The following BABAM2 variants were observed in gnomAD, a reference collection of about 807,000 sequenced individuals.
BABAM2 encodes BRISC and BRCA1-A complex member 2.
Under a neutral mutation model 54.7 loss-of-function variants are expected in BABAM2, and 31 were observed. That is an observed-to-expected ratio of 0.57 (90% CI 0.43 to 0.77). The LOEUF (loss-of-function observed/expected upper bound fraction) is 0.77, where lower values mean the gene tolerates loss of function less well. BABAM2 is among the 30% of genes least tolerant of loss of function. The pLI, the probability that BABAM2 is intolerant of heterozygous loss-of-function variation, is 0.00. For synonymous variants in BABAM2, 167 were observed against 162.9 expected (o/e 1.03, Z -0.19); for missense variants, 364 against 455.8 (o/e 0.80, Z 1.83).
Position 28,129,318 on chromosome 2 carries a change from T to C in BABAM2, c.618T>C (p.Ser206=). ...PGEDVALLSV[S]FEDTEATQVY... is the part of the protein sequence containing the mutation. ...AAGATGTGGCCCTCCTCTCTGTTAG[T>C]TTTGAGGACACTGAAGCCACCCAGG... The change falls in exon 7 of 12, where the codon AGT becomes AGC. Residue 206 remains serine (S), a synonymous_variant. Transcript: ENST00000379624. 1 of 1,614,168 alleles carries C rather than the reference T, an allele frequency of 6.2e-7. No homozygotes were observed. The highest frequency in any genetic ancestry group is 1.1e-5 in the South Asian group (1 of 91,072).
intron 3 of BABAM2, among the ~76,000 whole-genome samples, chr2:27,936,390 C>T (rs1455335012): frequency 1.6e-4 from 25 of 152,088 alleles, no homozygotes; most frequent in Non-Finnish European, 2.2e-4. Context: ...GACAGTGTGG[C>T]GATTCCCCAG....
At chr2:28,086,193 T>A (rs1665623522) in intron 6 of BABAM2, among the ~76,000 whole-genome samples, 3 of 152,224 alleles carry the variant, frequency 2.0e-5, no homozygotes, top group African/African-American at 7.2e-5. Context: ...AGAATTTGAA[T>A]CTATCTGTTA....
intron 4 of BABAM2, among the ~76,000 whole-genome samples, chr2:28,012,705 A>G (rs947915847): frequency 2.6e-5 from 4 of 152,174 alleles, no homozygotes; most frequent in African/African-American, 9.7e-5. Flanking sequence ...TGGAAAATAC[A>G]TTATTTTTAT....
intron 11 of BABAM2, among the ~76,000 whole-genome samples, chr2:28,310,638 C>T (rs571522671): frequency 3.0e-4 from 45 of 152,154 alleles, no homozygotes; most frequent in African/African-American, 9.9e-4. Flanking sequence ...AATCCCAGCA[C>T]TTTGGGAGGC....
intron 2 of BABAM2, among the ~76,000 whole-genome samples, chr2:27,898,128 A>G (rs1478821532): frequency 1.3e-5 from 2 of 152,088 alleles, no homozygotes; most frequent in East Asian, 3.8e-4. Flanking sequence ...CCACACTTTC[A>G]TGTTTCTTTC....
intron 1 of BABAM2, among the ~76,000 whole-genome samples, chr2:27,892,051 T>C (rs902485139): frequency 6.6e-6 from 1 of 152,244 alleles, no homozygotes; most frequent in Non-Finnish European, 1.5e-5. Flanking sequence ...ATATACGCTT[T>C]ACAAAATCAC....
In BABAM2 at chr2:27,975,502, C is replaced by G. The variant is rs557251648; in HGVS notation, c.206-12491C>G. Among the ~76,000 whole-genome samples the G allele has an allele frequency of 3.9e-5, 6 of 152,114 alleles. No homozygotes were observed. In the East Asian group the frequency reaches 9.7e-4, roughly 24 times the overall value. ...AAAAGGAGTCTTCTCAGCAAGTAGA[C>G]ATCTACATGCAAAAAAAAGGACCTT... is the stretch of plus-strand genomic sequence containing the variant. On this transcript the variant is annotated intron_variant, in intron 3 of 11. Coordinates refer to ENST00000379624, the MANE Select transcript of BABAM2 (RefSeq NM_199191.3).
intron 6 of BABAM2, among the ~76,000 whole-genome samples, chr2:28,087,685 G>T (rs1665781909): frequency 6.6e-6 from 1 of 150,762 alleles, no homozygotes; most frequent in Non-Finnish European, 1.5e-5. Flanking sequence ...GTCTCGCTCT[G>T]TCGCCCAGGT....
intron 5 of BABAM2, among the ~76,000 whole-genome samples, chr2:28,043,712 C>G (rs1348467865): frequency 6.6e-6 from 1 of 152,178 alleles, no homozygotes; most frequent in African/African-American, 2.4e-5. Flanking sequence ...CATCTAGGAG[C>G]TCAGCATAAT....
At chr2:28,268,380 A>G (rs558753934) in intron 10 of BABAM2, among the ~76,000 whole-genome samples, 1 of 152,296 alleles carries the variant, frequency 6.6e-6, no homozygotes, top group South Asian at 2.1e-4. Flanking sequence ...CAGGGAGACA[A>G]TGGAGAGAGA....
chr2:28,189,182 A>G (rs185748108), intron 7 of BABAM2, among the ~76,000 whole-genome samples: 1,531 of 150,742 alleles, frequency 0.01, 13 homozygotes, highest in Non-Finnish European at 0.018. Flanking sequence ...GTCTGGCGAC[A>G]GAGTGAGACT....
intron 7 of BABAM2, among the ~76,000 whole-genome samples, chr2:28,196,836 C>T (rs374654139): frequency 5.4e-3 from 219 of 40,208 alleles, no homozygotes; most frequent in South Asian, 0.011. Flanking sequence ...GAGACCCTGT[C>T]TTTTTTTTTT....
rs76237484 is a variant in BABAM2 at position 28,270,434 on chromosome 2, A to T, written c.934+25572A>T. Among the ~76,000 whole-genome samples, 22 of 152,302 alleles carry T rather than the reference A, an allele frequency of 1.4e-4. No homozygotes were observed. The East Asian group carries it at 4.2e-3, about 29-fold the overall frequency. On this transcript the variant is annotated intron_variant, in intron 10 of 11. Coordinates refer to ENST00000379624, the MANE Select transcript of BABAM2 (RefSeq NM_199191.3). ...CTTTGCCTGGCCCCTCATGAAACTT[A>T]AAATTAAATTATCTCTTTAAAAAGG...
In BABAM2 at chr2:28,333,655, A is replaced by G. The variant is rs1691161141; in HGVS notation, c.1089-4795A>G. Among the ~76,000 whole-genome samples the G allele has an allele frequency of 2.0e-5, 3 of 152,322 alleles. No individual in the cohort carries two copies. In the South Asian group the frequency reaches 6.2e-4, roughly 32 times the overall value. On this transcript the variant is annotated intron_variant, in intron 11 of 11. Transcript: ENST00000379624. ...ACTGAGATCAGTGAAGAGGGACTGA[A>G]CCTCATTTTGCCCTCAGGCATATTG...
chr2:27,992,962 A>G (rs1672884013), intron 4 of BABAM2, among the ~76,000 whole-genome samples: 1 of 152,170 alleles, frequency 6.6e-6, no homozygotes, highest in Non-Finnish European at 1.5e-5. Context: ...GCTTTCCCTG[A>G]CATCCCTATG....
At chr2:28,235,569 T>A (rs1681825524) in intron 7 of BABAM2, among the ~76,000 whole-genome samples, 1 of 152,196 alleles carries the variant, frequency 6.6e-6, no homozygotes, top group Non-Finnish European at 1.5e-5. Flanking sequence ...TAGTGTTTTA[T>A]ACATATATGT....
chr2:28,185,689 C>T (rs1015642764), intron 7 of BABAM2, among the ~76,000 whole-genome samples: 3 of 151,972 alleles, frequency 2.0e-5, no homozygotes, highest in African/African-American at 7.2e-5. Context: ...TTACCTGGAT[C>T]ACCACATTTC....
At chr2:27,890,354 G>A, upstream of BABAM2, 5 of 1,612,484 alleles carry the variant, frequency 3.1e-6, no homozygotes, top group Non-Finnish European at 4.2e-6. The surrounding 1 kb of genome is among the most constrained non-coding windows in gnomAD (Gnocchi z 4.8). Flanking sequence ...ATCGCTCAAA[G>A]GTGCTGCTGT....
chr2:28,246,430 C>T (rs1200935410), intron 10 of BABAM2, among the ~76,000 whole-genome samples: 1 of 152,126 alleles, frequency 6.6e-6, no homozygotes, highest in Non-Finnish European at 1.5e-5. Flanking sequence ...TGATTGCTTC[C>T]TTAATTTATT....
Sources: allele counts gnomAD v4.1 joint callset (sites outside exome capture counted in the v4.1 genomes callset), GRCh38; gene constraint gnomAD v4.1.1; non-coding constraint Gnocchi (gnomAD v3.1); transcripts MANE v1.5; gene names NCBI Gene and HGNC (gene_info 2026-07-23, HGNC 2026-07-21).